WDHD1: variants seen among roughly 807,000 people sequenced by gnomAD.
WDHD1 encodes the protein WD repeat and HMG-box DNA binding protein 1.
In WDHD1, 111 loss-of-function variants were observed where a neutral mutation model predicts 135.4. That is an observed-to-expected ratio of 0.82 (90% CI 0.70 to 0.96). The LOEUF is 0.96. Among genes scored for constraint, WDHD1 ranks in the 40% least tolerant of loss-of-function variants. The pLI, the probability that WDHD1 is intolerant of heterozygous loss-of-function variation, is 0.00. For synonymous variants in WDHD1, 434 were observed against 439.0 expected, an observed-to-expected ratio of 0.99 and a Z score of 0.14; for missense variants, 1,351 against 1,336.3, an observed-to-expected ratio of 1.01 and a Z score of -0.17.
rs143954638 is a variant in WDHD1 at position 54,993,065 on chromosome 14, A to T, written c.1154-1665T>A. 2.8e-4 allele frequency among the ~76,000 whole-genome samples: 42 copies of T among 152,322 alleles called. No homozygotes were observed. The East Asian group carries it at 7.7e-3, about 28-fold the overall frequency. ...CAATTCATATGTTACAAAATTAAAC[A>T]TGATTTTAAAAAATCCATTCAACAT... is the stretch of plus-strand genomic sequence containing the variant. On this transcript the variant is annotated intron_variant, in intron 11 of 25. Transcript: ENST00000360586.
At chr14:54,982,525 A>G (rs1370737021) in intron 15 of WDHD1, among the ~76,000 whole-genome samples, 2 of 152,144 alleles carry the variant, frequency 1.3e-5, no homozygotes, top group Admixed American at 6.5e-5. Flanking sequence ...AAAACAGGGA[A>G]GCATTCTTGT....
intron 16 of WDHD1, among the ~76,000 whole-genome samples, chr14:54,975,642 CCCAA>C (rs1330663582): frequency 1.3e-5 from 2 of 152,016 alleles, no homozygotes; most frequent in African/African-American, 4.8e-5. Context: ...AGCCACTGCA[CCCAA>C]CCTCATATTC....
At chr14:55,025,012 G>T (rs1313389262) in intron 2 of WDHD1, among the ~76,000 whole-genome samples, 1 of 93,840 alleles carries the variant, frequency 1.1e-5, no homozygotes, top group African/African-American at 3.1e-5. Context: ...TTGCAGTTGA[G>T]ACAAGAGGAA....
At chr14:54,986,994 G>A in intron 14 of WDHD1, 152 bp downstream of exon 14, 4 of 843,600 alleles carry the variant, frequency 4.7e-6, no homozygotes. Context: ...TTTCATTGCT[G>A]CTAGTGAACA....
At chr14:55,026,581 G>C in intron 2 of WDHD1, 130 bp downstream of exon 2, 1 of 867,616 alleles carries the variant, frequency 1.2e-6, no homozygotes, top group Non-Finnish European at 1.9e-6. Context: ...AAAGAAATAT[G>C]TGTGCCATTT....
At chr14:54,986,220 T>C (rs1234874392) in intron 14 of WDHD1, among the ~76,000 whole-genome samples, 6 of 152,166 alleles carry the variant, frequency 3.9e-5, no homozygotes, top group Non-Finnish European at 7.4e-5. Flanking sequence ...AAAAATGAAA[T>C]AAAAAAATTT....
intron 7 of WDHD1, among the ~76,000 whole-genome samples, chr14:55,002,711 C>G (rs767972033): frequency 1.1e-4 from 16 of 152,040 alleles, no homozygotes; most frequent in Non-Finnish European, 1.9e-4. Context: ...GTCAAAGGAT[C>G]CTCCTGCTTC....
intron 14 of WDHD1, among the ~76,000 whole-genome samples, 193 bp downstream of exon 14, chr14:54,986,953 A>G (rs566478598): frequency 2.0e-5 from 3 of 152,316 alleles, no homozygotes; most frequent in African/African-American, 4.8e-5. Context: ...AATTCTCTCT[A>G]TAATATAGTT....
chr14:54,952,531 T>C (rs1031136829), intron 24 of WDHD1, among the ~76,000 whole-genome samples: 1 of 152,208 alleles, frequency 6.6e-6, no homozygotes, highest in Non-Finnish European at 1.5e-5. Context: ...CGCTCATGGA[T>C]AGGAAGAATC....
chr14:55,013,330 A>C (rs564069645), intron 3 of WDHD1, among the ~76,000 whole-genome samples, 155 bp downstream of exon 3: 11 of 152,006 alleles, frequency 7.2e-5, no homozygotes, highest in African/African-American at 1.7e-4. Context: ...TCAAAAAAAA[A>C]TGGTAGGGCA....
chr14:54,949,155 T>A (rs938532020), intron 24 of WDHD1, among the ~76,000 whole-genome samples: 1 of 152,186 alleles, frequency 6.6e-6, no homozygotes, highest in Non-Finnish European at 1.5e-5. Flanking sequence ...GGACGGAGAA[T>A]GACTTTGACG....
chr14:54,963,048 A>G lies in WDHD1; in HGVS notation c.2435T>C (p.Leu812Pro). The G allele has an allele frequency of 6.2e-7, 1 of 1,613,848 alleles. No homozygotes were observed. Among genetic ancestry groups the G allele is most frequent in the Non-Finnish European group, 8.5e-7 (1 of 1,180,008 alleles). The part of the protein sequence containing the change: ...RSRKLILAQK[L>P]SELAVEKAAE... The stretch of plus-strand genomic sequence containing the variant: ...TGCCTTCTCTACAGCCAGTTCACTT[A>G]GTTTTTGAGCCAGTATTAATTTCCG... Residue 812 changes from leucine (L) to proline (P), a missense_variant, in exon 19 of 26, where the codon CTA becomes CCA. Leu to Pro is a moderately conservative substitution (Grantham distance 98). This residue lies in a region of WDHD1 where 1,330 missense variants were observed against 1,296.1 expected (regional missense o/e 1.03). Coordinates refer to ENST00000360586, the MANE Select transcript of WDHD1 (RefSeq NM_007086.4).
intron 3 of WDHD1, 120 bp from the exon 4 acceptor site, chr14:55,010,580 GA>G: frequency 1.2e-6 from 1 of 863,032 alleles, no homozygotes; most frequent in South Asian, 3.6e-5. Context: ...CATATCAAGA[GA>G]AAAATTATCA....
At chr14:55,010,009 G>C (rs1324467742) in intron 4 of WDHD1, among the ~76,000 whole-genome samples, 1 of 147,264 alleles carries the variant, frequency 6.8e-6, no homozygotes, top group Non-Finnish European at 1.5e-5. Flanking sequence ...AGTAGAGACG[G>C]GGTTTTGCCA....
chr14:54,968,074 T>C (rs1489753163), intron 16 of WDHD1, among the ~76,000 whole-genome samples: 2 of 152,212 alleles, frequency 1.3e-5, no homozygotes, highest in Admixed American at 6.5e-5. Context: ...CTGATGAAGC[T>C]GCACATGGAA....
In WDHD1 at chr14:55,011,524, CAAA is replaced by C. The variant is rs60615259; in HGVS notation, c.190-1067_190-1065del. ...AGGCAACAAGAGTGAAACTCTGTCT[CAAA>C]AAAAAAAAAAAAAAAAAAAAAAAGT... On this transcript the variant is annotated intron_variant, in intron 3 of 25. Coordinates refer to ENST00000360586, the MANE Select transcript of WDHD1 (RefSeq NM_007086.4). 8.9e-3 allele frequency among the ~76,000 whole-genome samples: 455 copies of C among 50,966 alleles called. 4 individuals carry two copies. Among genetic ancestry groups the C allele is most frequent in the African/African-American group, 0.035 (425 of 12,306 alleles). The allele number at this position is 50,966 out of a possible 152,430, so 33.4% of individuals were successfully genotyped here. A position where few individuals can be genotyped will look rare whatever the true frequency, so the allele number is the denominator to read the frequency against.
chr14:54,955,467 G>C, intron 24 of WDHD1, 94 bp downstream of exon 24: 1 of 1,269,498 alleles, frequency 7.9e-7, no homozygotes, highest in Non-Finnish European at 1.0e-6. Context: ...TGTATTATTT[G>C]TATTAAGGAA....
intron 16 of WDHD1, among the ~76,000 whole-genome samples, chr14:54,967,709 C>G (rs575900546): frequency 6.6e-6 from 1 of 152,228 alleles, no homozygotes; most frequent in East Asian, 1.9e-4. Context: ...AAGCCCCAAC[C>G]TCCCAAGTTC....
chr14:54,954,698 T>A lies in WDHD1; in HGVS notation c.3050+863A>T, dbSNP rs140515064. The stretch of plus-strand genomic sequence containing the variant: ...CCATTTATGTATTTACTTTTTCTGA[T>A]AGCCTTGCTATAGTATAAAGAAGTT... On this transcript the variant is annotated intron_variant, in intron 24 of 25. Coordinates refer to ENST00000360586, the MANE Select transcript of WDHD1 (RefSeq NM_007086.4). Among the ~76,000 whole-genome samples, 429 of 152,358 alleles carry A rather than the reference T, an allele frequency of 2.8e-3. 1 individual carries two copies. The highest frequency in any genetic ancestry group is 9.6e-3 in the African/African-American group (401 of 41,588).
Sources: allele counts gnomAD v4.1 joint callset (sites outside exome capture counted in the v4.1 genomes callset), GRCh38; gene constraint gnomAD v4.1.1; regional missense constraint gnomAD v4.1.1; transcripts MANE v1.5; gene names NCBI Gene and HGNC (gene_info 2026-07-23, HGNC 2026-07-21).